The following JAK1 variants were observed in gnomAD, a reference collection of about 807,000 sequenced individuals.
The protein encoded by JAK1 is tyrosine-protein kinase JAK1.
A neutral mutation model predicts 136.6 loss-of-function variants in JAK1; 16 were observed. The observed-to-expected ratio is 0.12, with a 90% CI of 0.08 to 0.18. The LOEUF (loss-of-function observed/expected upper bound fraction) is 0.18, where lower values mean the gene tolerates loss of function less well. Ranked by LOEUF, JAK1 falls within the 10% of genes least tolerant of loss-of-function variation. The pLI, the probability that JAK1 is intolerant of heterozygous loss-of-function variation, is 1.00. For missense variants in JAK1, 859 were observed against 1,450.1 expected (o/e 0.59, Z 6.62); for synonymous variants, 492 against 519.5 (o/e 0.95, Z 0.72).
At chr1:64,961,276 T>C (rs1435144091) in intron 1 of JAK1, among the ~76,000 whole-genome samples, 2 of 152,232 alleles carry the variant, frequency 1.3e-5, no homozygotes, top group Non-Finnish European at 2.9e-5. Context: ...CCTTTCTTGT[T>C]TCCTAGTAGT....
chr1:64,883,197 T>C (rs1570701135), intron 3 of JAK1, 80 bp downstream of exon 3: 3 of 1,208,350 alleles, frequency 2.5e-6, no homozygotes, highest in South Asian at 1.6e-5. Flanking sequence ...CCAGCAGCGC[T>C]ACAAGGGGCA....
chr1:64,980,748 G>T (rs866260106), intron 2 of JAK1, among the ~76,000 whole-genome samples: 1 of 150,820 alleles, frequency 6.6e-6, no homozygotes, highest in Non-Finnish European at 1.5e-5. Flanking sequence ...GACAGGCCCT[G>T]GTGTGTGATG....
chr1:64,967,528 C>T (rs1174689613), upstream of JAK1, among the ~76,000 whole-genome samples: 5 of 152,236 alleles, frequency 3.3e-5, no homozygotes, highest in East Asian at 9.6e-4. Context: ...AGGCCGTGCA[C>T]GGTCAGAATT....
intron 18 of JAK1, 42 bp from the exon 19 acceptor site, chr1:64,841,381 T>G (rs1308761976): frequency 6.2e-7 from 1 of 1,609,192 alleles, no homozygotes; most frequent in Non-Finnish European, 8.5e-7. Context: ...GGCAGTCGAT[T>G]GCCAGGGATT....
At chr1:65,049,479 AACTC>A in intron 1 of JAK1, among the ~76,000 whole-genome samples, 1 of 152,100 alleles carries the variant, frequency 6.6e-6, no homozygotes, top group South Asian at 2.1e-4. Flanking sequence ...ACTACACAAA[AACTC>A]ACTTCTTCAC....
chr1:65,061,890 G>C (rs563598510), intron 1 of JAK1, among the ~76,000 whole-genome samples: 57 of 152,254 alleles, frequency 3.7e-4, no homozygotes, highest in South Asian at 1.7e-3. Context: ...GCAAGAAAAT[G>C]TCAAGGACCA....
chr1:64,869,998 G>T (rs1284359863), intron 5 of JAK1, among the ~76,000 whole-genome samples: 1 of 151,510 alleles, frequency 6.6e-6, no homozygotes, highest in Non-Finnish European at 1.5e-5. Context: ...TTCCCATAGT[G>T]AAATGTGTCA....
At chr1:65,043,700 A>ATTTTTTTTTTTT (rs112982943) in intron 2 of JAK1, among the ~76,000 whole-genome samples, 22 of 101,254 alleles carry the variant, frequency 2.2e-4, no homozygotes, top group Non-Finnish European at 4.4e-4. Context: ...CACCTGGCTA[A>ATTTTTTTTTTTT]TTTTTTTTTT....
intron 1 of JAK1, among the ~76,000 whole-genome samples, chr1:64,934,827 G>T (rs1261866851): frequency 1.3e-5 from 2 of 152,104 alleles, no homozygotes; most frequent in Non-Finnish European, 2.9e-5. Context: ...CTATCCTGGG[G>T]GCTATGATTA....
At chr1:64,888,055 C>T (rs757969597) in intron 1 of JAK1, among the ~76,000 whole-genome samples, 5 of 152,162 alleles carry the variant, frequency 3.3e-5, no homozygotes, top group African/African-American at 4.8e-5. Context: ...GCCTCAAACC[C>T]GGAAAGGGTC....
intron 1 of JAK1, among the ~76,000 whole-genome samples, chr1:65,048,615 C>T (rs1260525822): frequency 3.9e-5 from 6 of 152,166 alleles, no homozygotes; most frequent in Admixed American, 2.6e-4. Context: ...AACAAAGACA[C>T]GCTGATTCAT....
At chr1:65,049,940 C>T (rs1647240648) in intron 1 of JAK1, among the ~76,000 whole-genome samples, 1 of 152,172 alleles carries the variant, frequency 6.6e-6, no homozygotes, top group South Asian at 2.1e-4. Context: ...ACATCTCCCC[C>T]TCCTCCAGTC....
intron 1 of JAK1, among the ~76,000 whole-genome samples, chr1:64,952,436 GT>G (rs1390390641): frequency 6.6e-6 from 1 of 152,280 alleles, no homozygotes; most frequent in Admixed American, 6.5e-5. Context: ...ATTTTATATA[GT>G]TTTTTCATTT....
intron 1 of JAK1, among the ~76,000 whole-genome samples, chr1:64,898,551 C>G (rs1645059670): frequency 6.6e-6 from 1 of 152,198 alleles, no homozygotes; most frequent in African/African-American, 2.4e-5. Context: ...CTTGATGATT[C>G]AGAAGACCAT....
chr1:64,855,656 C>T lies in JAK1; in HGVS notation c.1501G>A (p.Glu501Lys), dbSNP rs776347560. 10 of 1,613,974 alleles carry T rather than the reference C, an allele frequency of 6.2e-6. No homozygotes were observed. The highest frequency in any genetic ancestry group is 2.2e-5 in the East Asian group (1 of 44,882). ...AQKQFKNFQI[E>K]VQKGRYSLHG... ...AGACTGTAGCGGCCCTTCTGCACCT[C>T]GATCTGAAAGTTCTTGAACTGCTTC... The change falls in exon 11 of 25, where the codon GAG becomes AAG. Residue 501 changes from glutamate (E) to lysine (K), a missense_variant. Physicochemically the swap from Glu to Lys is moderately conservative, Grantham distance 56 (BLOSUM62 1). This residue lies in a region of JAK1 where 409 missense variants were observed against 753.8 expected (regional missense o/e 0.54). Coordinates refer to ENST00000342505, the MANE Select transcript of JAK1 (RefSeq NM_002227.4).
Position 64,834,555 on chromosome 1 carries a change from A to G in JAK1, c.*7T>C, listed in dbSNP as rs1221189818. ...AATCTGTGGAATTTAAATGTTATTCATGCTTCTTATTTTAAAAGTGCTTCA... is the reference window on the plus strand; with the variant it reads ...AATCTGTGGAATTTAAATGTTATTCGTGCTTCTTATTTTAAAAGTGCTTCA... On this transcript the variant is annotated 3_prime_UTR_variant, in exon 25 of 25. Transcript: ENST00000342505. 4 of 1,557,904 alleles carry G rather than the reference A, an allele frequency of 2.6e-6. No individual in the cohort carries two copies. Among genetic ancestry groups the G allele is most frequent in the Non-Finnish European group, 1.8e-6 (2 of 1,130,056 alleles).
chr1:64,849,418 A>C (rs1655446327), intron 12 of JAK1, among the ~76,000 whole-genome samples: 1 of 151,262 alleles, frequency 6.6e-6, no homozygotes, highest in Non-Finnish European at 1.5e-5. Context: ...CTGGTCTTGA[A>C]CTCCTAGGCT....
At chr1:64,932,500 T>C (rs1342904810) in intron 1 of JAK1, among the ~76,000 whole-genome samples, 1 of 152,090 alleles carries the variant, frequency 6.6e-6, no homozygotes, top group African/African-American at 2.4e-5. Flanking sequence ...AGTGTCGAGG[T>C]TGGGTTCAAA....
chr1:64,863,282 G>A lies in JAK1; in HGVS notation c.1176+1505C>T, dbSNP rs1006413404. The stretch of plus-strand genomic sequence containing the variant: ...AAATCCAGGATGCAGCATATGACAC[G>A]GGGCCTAATATCCAGGATGCAGCAT... On this transcript the variant is annotated intron_variant, in intron 8 of 24. Coordinates refer to ENST00000342505, the MANE Select transcript of JAK1 (RefSeq NM_002227.4). Among the ~76,000 whole-genome samples the A allele has an allele frequency of 3.9e-4, 57 of 146,452 alleles. 1 individual carries two copies. The highest frequency in any genetic ancestry group is 6.4e-4 in the Non-Finnish European group (43 of 67,014).
Sources: gnomAD v4.1 joint callset for allele counts (sites outside exome capture counted in the v4.1 genomes callset) on GRCh38, gnomAD v4.1.1 for gene constraint, gnomAD v4.1.1 regional missense constraint, MANE v1.5 for transcripts, NCBI Gene and HGNC (gene_info 2026-07-23, HGNC 2026-07-21) for gene names.